The following CCDC85B variants were observed in gnomAD, a reference collection of about 807,000 sequenced individuals.
CCDC85B encodes the protein coiled-coil domain-containing protein 85B.
A neutral mutation model predicts 13.6 loss-of-function variants in CCDC85B; 8 were observed. The ratio of observed to expected loss-of-function variants is 0.59; its 90% CI spans 0.35 to 1.06. CCDC85B has a LOEUF of 1.06. CCDC85B is among the 50% of genes least tolerant of loss of function. CCDC85B has a pLI of 0.02. For synonymous variants in CCDC85B, 118 were observed against 135.9 expected (o/e 0.87, Z 0.92); for missense variants, 217 against 285.9 (o/e 0.76, Z 1.74).
Position 65,890,916 on chromosome 11 carries a change from C to T in CCDC85B, c.133C>T (p.Leu45Phe). Residue 45 changes from leucine to phenylalanine, a missense_variant, in exon 1 of 1, where the codon CTC (leucine) becomes TTC (phenylalanine). Transcript: ENST00000312579. ...GGCGGCACTGGTGCAGCGCGGCCGCCTCATGCAGGAGGTGAATCGGCAGCT... is the reference window on the plus strand; with the variant it reads ...GGCGGCACTGGTGCAGCGCGGCCGCTTCATGCAGGAGGTGAATCGGCAGCT... ...RLAALVQRGRLMQEVNRQLQG... is the reference protein window; with the variant it reads ...RLAALVQRGRFMQEVNRQLQG... 2 of 1,530,024 alleles carry T rather than the reference C, an allele frequency of 1.3e-6. No individual in the cohort carries two copies. The highest frequency in any genetic ancestry group is 1.7e-6 in the Non-Finnish European group (2 of 1,144,788). The allele number at this position is 1,530,024 out of a possible 1,614,324, so 94.8% of individuals were successfully genotyped here. A position where few individuals can be genotyped will look rare whatever the true frequency, so the allele number is the denominator to read the frequency against.
chr11:65,891,151 TG>T lies in CCDC85B; in HGVS notation c.370del (p.Glu124ArgfsTer12). On this transcript the variant is annotated frameshift_variant, in exon 1 of 1. Transcript: ENST00000312579. LOFTEE classifies it high-confidence loss of function. The surrounding 1 kb of genome is among the most constrained non-coding windows in gnomAD (Gnocchi z 7.3). The part of the protein sequence containing the change: ...LGGCWQKLAE[L>X]EGRQEELLRE... ...GGCTGTTGGCAGAAGCTGGCCGAGC[TG>T]GAGGGCCGCCAGGAGGAGCTGCTGC... is the stretch of plus-strand genomic sequence containing the variant. 6.4e-7 allele frequency: 1 copy of T among 1,560,384 alleles called. No homozygotes were observed. The highest frequency in any genetic ancestry group is 8.6e-7 in the Non-Finnish European group (1 of 1,156,716).
chr11:65,890,677 G>A lies in CCDC85B; in HGVS notation c.-107G>A, dbSNP rs552142507. On this transcript the variant is annotated 5_prime_UTR_variant, in exon 1 of 1. Coordinates refer to ENST00000312579, the MANE Select transcript of CCDC85B (RefSeq NM_006848.3). ...TGCAGCCTACGCTGCCTCGGCCACT[G>A]CCTGCCGCGTGCGGAGCCGGAGCCC... 19 of 1,261,314 alleles carry A rather than the reference G, an allele frequency of 1.5e-5. No individual in the cohort carries two copies. In the East Asian group the frequency reaches 3.5e-4, roughly 23 times the overall value. 78.1% of individuals were successfully genotyped at this position (1,261,314 alleles called of 1,614,324 possible).
Position 65,891,506 on chromosome 11 carries a change from T to A in CCDC85B, c.*114T>A, listed in dbSNP as rs911903256. ...GGCTGCGCAGGAGGGGCCGCTGGCA[T>A]GGACTAAGAAATCCTGACACCAAGA... On this transcript the variant is annotated 3_prime_UTR_variant, in exon 1 of 1. Coordinates refer to ENST00000312579, the MANE Select transcript of CCDC85B (RefSeq NM_006848.3). The surrounding 1 kb of genome is among the most constrained non-coding windows in gnomAD (Gnocchi z 7.3). The A allele has an allele frequency of 2.5e-6, 3 of 1,218,198 alleles. No homozygotes were observed. In the Admixed American group the frequency reaches 1.1e-4, roughly 43 times the overall value. 75.5% of individuals were successfully genotyped at this position (1,218,198 alleles called of 1,614,324 possible). A position where few individuals can be genotyped will look rare whatever the true frequency, so the allele number is the denominator to read the frequency against.
rs758799825 is a variant in CCDC85B at position 65,891,337 on chromosome 11, C to T, written c.554C>T (p.Thr185Ile). 3 of 1,606,442 alleles carry T rather than the reference C, an allele frequency of 1.9e-6. No individual in the cohort carries two copies. The highest frequency in any genetic ancestry group is 2.3e-5 in the East Asian group (1 of 43,724). ...PRDLGDGSSS[T>I]GSVGSPDQLP... ...GACCTAGGCGATGGAAGCTCCAGCACTGGCAGCGTGGGCAGTCCGGATCAG... is the reference window on the plus strand; with the variant it reads ...GACCTAGGCGATGGAAGCTCCAGCATTGGCAGCGTGGGCAGTCCGGATCAG... Residue 185 changes from threonine (T) to isoleucine (I), a missense_variant, in exon 1 of 1, where the codon ACT (threonine) becomes ATT (isoleucine). Transcript: ENST00000312579. This position sits in a 1 kb window ranked among gnomAD's most constrained non-coding sequence, Gnocchi z 7.3.
rs1860371673 is a variant in CCDC85B at position 65,890,756 on chromosome 11, G to C, written c.-28G>C. On this transcript the variant is annotated 5_prime_UTR_variant, in exon 1 of 1. Transcript: ENST00000312579. ...GGGCTCCTGGGCCGCGGCGGCGGGC[G>C]GGCGATGCTCCAGAGGCCTGACCAG... 1 of 1,373,880 alleles carries C rather than the reference G, an allele frequency of 7.3e-7. No homozygotes were observed. The highest frequency in any genetic ancestry group is 1.5e-5 in the African/African-American group (1 of 65,084). The allele number at this position is 1,373,880 out of a possible 1,614,324, so 85.1% of individuals were successfully genotyped here.
Position 65,891,356 on chromosome 11 carries a change from G to A in CCDC85B, c.573G>A (p.Pro191=). The part of the protein sequence containing the change: ...GSSSTGSVGS[P]DQLPLACSPD... Reference sequence around the variant, plus strand: ...CCAGCACTGGCAGCGTGGGCAGTCCGGATCAGTTGCCCCTGGCCTGTTCCC... The same window carrying A: ...CCAGCACTGGCAGCGTGGGCAGTCCAGATCAGTTGCCCCTGGCCTGTTCCC... The change falls in exon 1 of 1, where the codon CCG becomes CCA. Residue 191 remains proline, a synonymous_variant. Coordinates refer to ENST00000312579, the MANE Select transcript of CCDC85B (RefSeq NM_006848.3). The surrounding 1 kb of genome is among the most constrained non-coding windows in gnomAD (Gnocchi z 7.3). 3 of 1,604,660 alleles carry A rather than the reference G, an allele frequency of 1.9e-6. No homozygotes were observed. The highest frequency in any genetic ancestry group is 2.5e-6 in the Non-Finnish European group (3 of 1,176,862).
Position 65,890,775 on chromosome 11 carries a change from T to C in CCDC85B, c.-9T>C, listed in dbSNP as rs780662299. On this transcript the variant is annotated 5_prime_UTR_variant, in exon 1 of 1. Transcript: ENST00000312579. ...GCGGGCGGGCGATGCTCCAGAGGCC[T>C]GACCAGCCATGGAGGCCGAGGCAGG... 3.1e-4 allele frequency: 454 copies of C among 1,457,278 alleles called. 1 individual carries two copies. The Middle Eastern group carries it at 5.1e-3, about 16-fold the overall frequency. 90.3% of individuals were successfully genotyped at this position (1,457,278 alleles called of 1,614,324 possible). A position where few individuals can be genotyped will look rare whatever the true frequency, so the allele number is the denominator to read the frequency against.
In CCDC85B at chr11:65,890,913, C is replaced by T; in HGVS notation, c.130C>T (p.Arg44Cys). The change falls in exon 1 of 1, where the codon CGC (arginine) becomes TGC (cysteine). Residue 44 changes from arginine to cysteine, a missense_variant. Physicochemically the swap from Arg to Cys is radical, Grantham distance 180. Coordinates refer to ENST00000312579, the MANE Select transcript of CCDC85B (RefSeq NM_006848.3). The stretch of plus-strand genomic sequence containing the variant: ...CCTGGCGGCACTGGTGCAGCGCGGC[C>T]GCCTCATGCAGGAGGTGAATCGGCA... ...ARLAALVQRG[R>C]LMQEVNRQLQ... 6.5e-7 allele frequency: 1 copy of T among 1,529,528 alleles called. No individual in the cohort carries two copies. The highest frequency in any genetic ancestry group is 8.7e-7 in the Non-Finnish European group (1 of 1,144,592). The allele number at this position is 1,529,528 out of a possible 1,614,324, so 94.7% of individuals were successfully genotyped here.
Position 65,890,695 on chromosome 11 carries a change from C to T in CCDC85B, c.-89C>T, listed in dbSNP as rs960237952. ...GGCCACTGCCTGCCGCGTGCGGAGCCGGAGCCCGAGCCTGAGTGGCGCCGG... is the reference window on the plus strand; with the variant it reads ...GGCCACTGCCTGCCGCGTGCGGAGCTGGAGCCCGAGCCTGAGTGGCGCCGG... On this transcript the variant is annotated 5_prime_UTR_variant, in exon 1 of 1. Coordinates refer to ENST00000312579, the MANE Select transcript of CCDC85B (RefSeq NM_006848.3). 9 of 1,312,218 alleles carry T rather than the reference C, an allele frequency of 6.9e-6. No individual in the cohort carries two copies. The highest frequency in any genetic ancestry group is 6.8e-6 in the Non-Finnish European group (7 of 1,030,092). The allele number at this position is 1,312,218 out of a possible 1,614,324, so 81.3% of individuals were successfully genotyped here.
Position 65,890,710 on chromosome 11 carries a change from A to G in CCDC85B, c.-74A>G. 1 of 1,340,632 alleles carries G rather than the reference A, an allele frequency of 7.5e-7. No homozygotes were observed. The highest frequency in any genetic ancestry group is 9.5e-7 in the Non-Finnish European group (1 of 1,049,936). The allele number at this position is 1,340,632 out of a possible 1,614,324, so 83.0% of individuals were successfully genotyped here. A position where few individuals can be genotyped will look rare whatever the true frequency, so the allele number is the denominator to read the frequency against. On this transcript the variant is annotated 5_prime_UTR_variant, in exon 1 of 1. Coordinates refer to ENST00000312579, the MANE Select transcript of CCDC85B (RefSeq NM_006848.3). ...CGTGCGGAGCCGGAGCCCGAGCCTG[A>G]GTGGCGCCGGGCCCGACGTGGGGCT...
At position 65,891,592 on chromosome 11, in the gene CCDC85B, T is replaced by G; in HGVS notation, c.*200T>G. ...GACTGAAGGCTGGAGCGGAGGGACT[T>G]GCTGGGGGTTGGATTGGGGGTAATA... On this transcript the variant is annotated 3_prime_UTR_variant, in exon 1 of 1. Transcript: ENST00000312579. The surrounding 1 kb of genome is among the most constrained non-coding windows in gnomAD (Gnocchi z 7.3). 1.7e-6 allele frequency: 1 copy of G among 572,290 alleles called. No individual in the cohort carries two copies. Among genetic ancestry groups the G allele is most frequent in the Non-Finnish European group, 2.9e-6 (1 of 348,238 alleles). 35.5% of individuals were successfully genotyped at this position (572,290 alleles called of 1,614,324 possible).
rs931478296 is a variant in CCDC85B at position 65,890,731 on chromosome 11, G to A, written c.-53G>A. On this transcript the variant is annotated 5_prime_UTR_variant, in exon 1 of 1. Coordinates refer to ENST00000312579, the MANE Select transcript of CCDC85B (RefSeq NM_006848.3). ...CCTGAGTGGCGCCGGGCCCGACGTG[G>A]GGCTCCTGGGCCGCGGCGGCGGGCG... The A allele has an allele frequency of 1.0e-5, 14 of 1,357,090 alleles. No individual in the cohort carries two copies. The highest frequency in any genetic ancestry group is 1.3e-5 in the Non-Finnish European group (14 of 1,061,220). 84.1% of individuals were successfully genotyped at this position (1,357,090 alleles called of 1,614,324 possible). A position where few individuals can be genotyped will look rare whatever the true frequency, so the allele number is the denominator to read the frequency against.
Position 65,891,516 on chromosome 11 carries a change from A to C in CCDC85B, c.*124A>C. 1 of 1,098,484 alleles carries C rather than the reference A, an allele frequency of 9.1e-7. No individual in the cohort carries two copies. Among genetic ancestry groups the C allele is most frequent in the Non-Finnish European group, 1.2e-6 (1 of 813,504 alleles). 68.0% of individuals were successfully genotyped at this position (1,098,484 alleles called of 1,614,324 possible). A position where few individuals can be genotyped will look rare whatever the true frequency, so the allele number is the denominator to read the frequency against. On this transcript the variant is annotated 3_prime_UTR_variant, in exon 1 of 1. Coordinates refer to ENST00000312579, the MANE Select transcript of CCDC85B (RefSeq NM_006848.3). This position sits in a 1 kb window ranked among gnomAD's most constrained non-coding sequence, Gnocchi z 7.3. ...GAGGGGCCGCTGGCATGGACTAAGA[A>C]ATCCTGACACCAAGAAGGGCCCCTC...
In CCDC85B at chr11:65,891,056, G is replaced by T. The variant is rs749931292; in HGVS notation, c.273G>T (p.Gly91=). ...CCFLDSERQR[G]RRAARQWQLF... is the part of the protein sequence containing the mutation. ...TCCTGGACTCGGAGCGCCAGCGCGG[G>T]CGGCGCGCCGCACGCCAGTGGCAGC... is the stretch of plus-strand genomic sequence containing the variant. The change falls in exon 1 of 1, where the codon GGG becomes GGT. Residue 91 remains glycine, a synonymous_variant. Coordinates refer to ENST00000312579, the MANE Select transcript of CCDC85B (RefSeq NM_006848.3). This position sits in a 1 kb window ranked among gnomAD's most constrained non-coding sequence, Gnocchi z 7.3. 7 of 1,545,092 alleles carry T rather than the reference G, an allele frequency of 4.5e-6. No individual in the cohort carries two copies. In the African/African-American group the frequency reaches 8.3e-5, roughly 18 times the overall value.
rs1042958517 is a variant in CCDC85B at position 65,891,259 on chromosome 11, G to T, written c.476G>T (p.Gly159Val). 9 of 1,531,228 alleles carry T rather than the reference G, an allele frequency of 5.9e-6. No individual in the cohort carries two copies. Among genetic ancestry groups the T allele is most frequent in the Admixed American group, 2.2e-5 (1 of 45,970 alleles). 94.9% of individuals were successfully genotyped at this position (1,531,228 alleles called of 1,614,324 possible). A position where few individuals can be genotyped will look rare whatever the true frequency, so the allele number is the denominator to read the frequency against. Residue 159 changes from glycine (G) to valine (V), a missense_variant, in exon 1 of 1, where the codon GGA becomes GTA. Coordinates refer to ENST00000312579, the MANE Select transcript of CCDC85B (RefSeq NM_006848.3). The surrounding 1 kb of genome is among the most constrained non-coding windows in gnomAD (Gnocchi z 7.3). ...CGCGGCGGCCCCAGCGGCGCCGGGGGATCAGGAGCCGGGCCAGCACCCGAG... is the reference window on the plus strand; with the variant it reads ...CGCGGCGGCCCCAGCGGCGCCGGGGTATCAGGAGCCGGGCCAGCACCCGAG... Reference protein sequence around the residue: ...GPRGGPSGAGGSGAGPAPELA... With the variant: ...GPRGGPSGAGVSGAGPAPELA...
chr11:65,890,947 G>A lies in CCDC85B; in HGVS notation c.164G>A (p.Gly55Asp), dbSNP rs1860376029. ...LMQEVNRQLQ[G>D]HLGEIRELKQ... ...CAGGAGGTGAATCGGCAGCTGCAGG[G>A]CCACCTGGGCGAGATCCGCGAGCTC... Residue 55 changes from glycine (G) to aspartate (D), a missense_variant, in exon 1 of 1, where the codon GGC becomes GAC. By Grantham distance (94) the Gly-to-Asp change is moderately conservative. Coordinates refer to ENST00000312579, the MANE Select transcript of CCDC85B (RefSeq NM_006848.3). The A allele has an allele frequency of 2.0e-6, 3 of 1,530,612 alleles. No homozygotes were observed. The highest frequency in any genetic ancestry group is 2.6e-6 in the Non-Finnish European group (3 of 1,145,278). 94.8% of individuals were successfully genotyped at this position (1,530,612 alleles called of 1,614,324 possible). A position where few individuals can be genotyped will look rare whatever the true frequency, so the allele number is the denominator to read the frequency against.
rs1175362353 is a variant in CCDC85B at position 65,890,980 on chromosome 11, T to G, written c.197T>G (p.Leu66Arg). ...GGCGAGATCCGCGAGCTCAAGCAGC[T>G]CAACCGGCGTCTGCAGGCAGAGAAC... ...HLGEIRELKQ[L>R]NRRLQAENRE... Residue 66 changes from leucine to arginine, a missense_variant, in exon 1 of 1, where the codon CTC becomes CGC. By Grantham distance (102) the Leu-to-Arg change is moderately radical. Coordinates refer to ENST00000312579, the MANE Select transcript of CCDC85B (RefSeq NM_006848.3). The G allele has an allele frequency of 6.5e-7, 1 of 1,533,592 alleles. No homozygotes were observed. 95.0% of individuals were successfully genotyped at this position (1,533,592 alleles called of 1,614,324 possible). A position where few individuals can be genotyped will look rare whatever the true frequency, so the allele number is the denominator to read the frequency against.
Position 65,891,058 on chromosome 11 carries a change from G to A in CCDC85B, c.275G>A (p.Arg92Gln). The A allele has an allele frequency of 1.3e-6, 2 of 1,546,012 alleles. No homozygotes were observed. Among genetic ancestry groups the A allele is most frequent in the South Asian group, 1.2e-5 (1 of 83,846 alleles). Reference sequence around the variant, plus strand: ...CTGGACTCGGAGCGCCAGCGCGGGCGGCGCGCCGCACGCCAGTGGCAGCTC... The same window carrying A: ...CTGGACTCGGAGCGCCAGCGCGGGCAGCGCGCCGCACGCCAGTGGCAGCTC... ...CFLDSERQRGRRAARQWQLFG... is the reference protein window; with the variant it reads ...CFLDSERQRGQRAARQWQLFG... Residue 92 changes from arginine to glutamine, a missense_variant, in exon 1 of 1, where the codon CGG becomes CAG. Transcript: ENST00000312579. The surrounding 1 kb of genome is among the most constrained non-coding windows in gnomAD (Gnocchi z 7.3).
Position 65,890,974 on chromosome 11 carries a change from A to G in CCDC85B, c.191A>G (p.Lys64Arg). The part of the protein sequence containing the change: ...QGHLGEIREL[K>R]QLNRRLQAEN... The stretch of plus-strand genomic sequence containing the variant: ...CACCTGGGCGAGATCCGCGAGCTCA[A>G]GCAGCTCAACCGGCGTCTGCAGGCA... Residue 64 changes from lysine to arginine, a missense_variant, in exon 1 of 1, where the codon AAG (lysine) becomes AGG (arginine). Coordinates refer to ENST00000312579, the MANE Select transcript of CCDC85B (RefSeq NM_006848.3). 6.5e-7 allele frequency: 1 copy of G among 1,533,138 alleles called. No homozygotes were observed. Among genetic ancestry groups the G allele is most frequent in the East Asian group, 2.5e-5 (1 of 40,320 alleles). The allele number at this position is 1,533,138 out of a possible 1,614,324, so 95.0% of individuals were successfully genotyped here.
Sources: allele counts gnomAD v4.1 joint callset, GRCh38; gene constraint gnomAD v4.1.1; non-coding constraint Gnocchi (gnomAD v3.1); transcripts MANE v1.5; gene names NCBI Gene and HGNC (gene_info 2026-07-23, HGNC 2026-07-21).